MN1: variants seen among roughly 807,000 people sequenced by gnomAD.
MN1 encodes the protein MN1 proto-oncogene, transcriptional regulator.
Under a neutral mutation model 86.9 loss-of-function variants are expected in MN1, and 19 were observed. The observed-to-expected ratio is 0.22, with a 90% CI of 0.15 to 0.32. MN1 has a LOEUF of 0.32. Ranked by LOEUF, MN1 falls within the 10% of genes least tolerant of loss-of-function variation. The pLI is 1.00. For synonymous variants in MN1, 928 were observed against 849.6 expected, an observed-to-expected ratio of 1.09 and a Z score of -1.60; for missense variants, 1,841 against 1,862.0, an observed-to-expected ratio of 0.99 and a Z score of 0.21.
intron 1 of MN1, among the ~76,000 whole-genome samples, chr22:27,796,456 G>A (rs1358930137): frequency 2.0e-5 from 3 of 151,778 alleles, no homozygotes; most frequent in Non-Finnish European, 4.4e-5. Flanking sequence ...GCTAAAACTG[G>A]GGGTGTGGGG....
chr22:27,800,141 C>T lies in MN1; in HGVS notation c.403G>A (p.Gly135Ser), dbSNP rs1933404812. 2 of 1,556,572 alleles carry T rather than the reference C, an allele frequency of 1.3e-6. No individual in the cohort carries two copies. The highest frequency in any genetic ancestry group is 1.4e-5 in the African/African-American group (1 of 73,092). ...AGGCCTCCGGCTGCGCCGCCGTAGC[C>T]GAGCAGGCGACCCCCGTGCAGGCAC... Reference protein sequence around the residue: ...ASCLHGGRLLGYGGAAGGLGS... With the variant: ...ASCLHGGRLLSYGGAAGGLGS... Residue 135 changes from glycine (G) to serine (S), a missense_variant, in exon 1 of 2, where the codon GGC becomes AGC. Physicochemically the swap from Gly to Ser is moderately conservative, Grantham distance 56 (BLOSUM62 0). Coordinates refer to ENST00000302326, the MANE Select transcript of MN1 (RefSeq NM_002430.3).
At position 27,800,383 on chromosome 22, in the gene MN1, G is replaced by A; in HGVS notation, c.161C>T (p.Ala54Val). 3 of 1,612,132 alleles carry A rather than the reference G, an allele frequency of 1.9e-6. No individual in the cohort carries two copies. Among genetic ancestry groups the A allele is most frequent in the Non-Finnish European group, 2.5e-6 (3 of 1,178,814 alleles). The change falls in exon 1 of 2, where the codon GCG becomes GTG. Residue 54 changes from alanine (A) to valine (V), a missense_variant. Ala to Val is a moderately conservative substitution (Grantham distance 64, BLOSUM62 0). Coordinates refer to ENST00000302326, the MANE Select transcript of MN1 (RefSeq NM_002430.3). ...PPGPVDPAMS[A>V]LGEPPILGMN... ...GCCCAAGATCGGGGGTTCGCCCAGC[G>A]CGCTCATAGCAGGATCCACAGGGCC...
At chr22:27,769,589 G>T (rs1932897948) in intron 1 of MN1, among the ~76,000 whole-genome samples, 3 of 86,108 alleles carry the variant, frequency 3.5e-5, no homozygotes, top group African/African-American at 1.5e-4. Flanking sequence ...GTCTCGCTCT[G>T]TCACCCAGGC....
At chr22:27,769,239 T>G (rs754481604) in intron 1 of MN1, among the ~76,000 whole-genome samples, 14 of 152,180 alleles carry the variant, frequency 9.2e-5, no homozygotes, top group Non-Finnish European at 1.6e-4. Flanking sequence ...CTTGACACAA[T>G]GCTGCAGGTA....
chr22:27,763,733 G>C (rs1205390509), intron 1 of MN1, among the ~76,000 whole-genome samples: 3 of 152,222 alleles, frequency 2.0e-5, no homozygotes, highest in Admixed American at 6.5e-5. Context: ...TGGGCACTGA[G>C]CTCAGAGAGG....
At chr22:27,767,755 T>C (rs562937550) in intron 1 of MN1, among the ~76,000 whole-genome samples, 6 of 151,408 alleles carry the variant, frequency 4.0e-5, no homozygotes, top group Admixed American at 1.3e-4. Flanking sequence ...GTTGGGTGGG[T>C]GGAGGTGTTG....
intron 1 of MN1, among the ~76,000 whole-genome samples, chr22:27,775,263 A>G (rs1042780848): frequency 6.6e-5 from 10 of 152,172 alleles, no homozygotes; most frequent in Non-Finnish European, 1.5e-4. Context: ...TTCGATGGCT[A>G]CAGAATGATG....
intron 1 of MN1, 67 bp from the exon 2 acceptor site, chr22:27,751,163 G>A (rs1425274607): frequency 3.6e-6 from 5 of 1,392,828 alleles, no homozygotes; most frequent in Non-Finnish European, 4.8e-6. Flanking sequence ...CATAATGGGG[G>A]CCAAAGTGGC....
At chr22:27,796,696 G>C (rs1006456580) in intron 1 of MN1, 67 bp downstream of exon 1, 14 of 1,482,864 alleles carry the variant, frequency 9.4e-6, no homozygotes, top group Admixed American at 8.0e-5. Context: ...AAAGGCGAAG[G>C]CTAAGTCCTG....
intron 1 of MN1, among the ~76,000 whole-genome samples, chr22:27,778,699 GTCC>G (rs1476471498): frequency 5.3e-5 from 8 of 152,206 alleles, no homozygotes. Context: ...TTCCTGCACT[GTCC>G]TCCTCCCCGA....
intron 1 of MN1, among the ~76,000 whole-genome samples, chr22:27,793,458 T>C (rs941551742): frequency 2.6e-5 from 4 of 152,216 alleles, no homozygotes; most frequent in Non-Finnish European, 4.4e-5. Context: ...AATTGATGTT[T>C]GAATAGGCCC....
chr22:27,761,506 C>A (rs993784107), intron 1 of MN1, among the ~76,000 whole-genome samples: 1 of 151,964 alleles, frequency 6.6e-6, no homozygotes, highest in Non-Finnish European at 1.5e-5. Flanking sequence ...AGGACAAAAC[C>A]GGACAGCCCC....
At chr22:27,795,049 A>C (rs1453456090) in intron 1 of MN1, among the ~76,000 whole-genome samples, 1 of 137,502 alleles carries the variant, frequency 7.3e-6, no homozygotes, top group South Asian at 2.6e-4. Flanking sequence ...GCTGTGTCCA[A>C]CTCGATTTTA....
At chr22:27,779,165 G>T (rs978475322) in intron 1 of MN1, among the ~76,000 whole-genome samples, 1 of 152,102 alleles carries the variant, frequency 6.6e-6, no homozygotes, top group African/African-American at 2.4e-5. Context: ...TCTGGATGGG[G>T]TCCTCACCCC....
At position 27,797,895 on chromosome 22, in the gene MN1, A is replaced by T. The variant is rs904721668; in HGVS notation, c.2649T>A (p.Thr883=). ...CTCCGGGTCCTGGGGCCCCAGGAGC[A>T]GTCCCTCCTGGGAAGTAATCCGAGC... ...NPGSDYFPGG[T]APGAPGPGGP... Residue 883 remains threonine, a synonymous_variant, in exon 1 of 2, where the codon ACT becomes ACA. Transcript: ENST00000302326. The T allele has an allele frequency of 6.3e-7, 1 of 1,598,286 alleles. No individual in the cohort carries two copies. Among genetic ancestry groups the T allele is most frequent in the Non-Finnish European group, 8.5e-7 (1 of 1,172,512 alleles).
At position 27,797,946 on chromosome 22, in the gene MN1, G is replaced by A. The variant is rs761973976; in HGVS notation, c.2598C>T (p.Asp866=). The change falls in exon 1 of 2, where the codon GAC becomes GAT. Residue 866 remains aspartate (D), a synonymous_variant. Coordinates refer to ENST00000302326, the MANE Select transcript of MN1 (RefSeq NM_002430.3). ...GKRKLSQNET[D]GAAVAGNPGS... is the part of the protein sequence containing the mutation. ...CCGGGTTGCCGGCCACTGCCGCGCCGTCGGTCTCGTTCTGGCTCAGTTTCC... is the reference window on the plus strand; with the variant it reads ...CCGGGTTGCCGGCCACTGCCGCGCCATCGGTCTCGTTCTGGCTCAGTTTCC... 1 of 1,594,500 alleles carries A rather than the reference G, an allele frequency of 6.3e-7. No individual in the cohort carries two copies. The highest frequency in any genetic ancestry group is 2.2e-5 in the East Asian group (1 of 44,624).
At chr22:27,772,796 T>C (rs13056513) in intron 1 of MN1, among the ~76,000 whole-genome samples, 7,835 of 151,978 alleles carry the variant, frequency 0.052, 275 homozygotes, top group Middle Eastern at 0.12. Context: ...AACACACTCA[T>C]CAGGGTTTGG....
Position 27,796,793 on chromosome 22 carries a change from C to G in MN1, c.3751G>C (p.Ala1251Pro). 1 of 1,605,850 alleles carries G rather than the reference C, an allele frequency of 6.2e-7. No individual in the cohort carries two copies. Among genetic ancestry groups the G allele is most frequent in the African/African-American group, 1.3e-5 (1 of 74,996 alleles). Residue 1251 changes from alanine (A) to proline (P), a missense_variant, in exon 1 of 2, where the codon GCC becomes CCC. Physicochemically the swap from Ala to Pro is conservative, Grantham distance 27. Coordinates refer to ENST00000302326, the MANE Select transcript of MN1 (RefSeq NM_002430.3). ...TTGCTGTTGGGGTTCTGGGGTTTGG[C>G]CTTCTCCCAGGGCGCCAACGTCTTG... ...DDKTLAPWEK[A>P]KPQNPNSKEA...
chr22:27,797,672 A>G lies in MN1; in HGVS notation c.2872T>C (p.Phe958Leu), dbSNP rs1473362743. 4 of 1,606,010 alleles carry G rather than the reference A, an allele frequency of 2.5e-6. No individual in the cohort carries two copies. Among genetic ancestry groups the G allele is most frequent in the Admixed American group, 1.7e-5 (1 of 59,104 alleles). The stretch of plus-strand genomic sequence containing the variant: ...GGAGCCGCCGAGTACTTGTCAAAGA[A>G]GGTGCCAGGGCTCACGTGACCACTG... Reference protein sequence around the residue: ...RDSGHVSPGTFFDKYSAAPDS... With the variant: ...RDSGHVSPGTLFDKYSAAPDS... The change falls in exon 1 of 2, where the codon TTC (phenylalanine) becomes CTC (leucine). Residue 958 changes from phenylalanine (F) to leucine (L), a missense_variant. By Grantham distance (22) the Phe-to-Leu change is conservative (BLOSUM62 0). Transcript: ENST00000302326.
Sources: allele counts gnomAD v4.1 joint callset (sites outside exome capture counted in the v4.1 genomes callset), GRCh38; gene constraint gnomAD v4.1.1; transcripts MANE v1.5; gene names NCBI Gene and HGNC (gene_info 2026-07-23, HGNC 2026-07-21).